DGUOK: variants seen among roughly 807,000 people sequenced by gnomAD.
The protein encoded by DGUOK is deoxyguanosine kinase, mitochondrial.
Under a neutral mutation model 36.6 loss-of-function variants are expected in DGUOK, and 30 were observed. That is an observed-to-expected ratio of 0.82 (90% confidence interval 0.61 to 1.11). The LOEUF (loss-of-function observed/expected upper bound fraction) is 1.11. Ranked by LOEUF, DGUOK falls within the 50% of genes most tolerant of loss-of-function variation. The pLI, the probability that DGUOK is intolerant of heterozygous loss-of-function variation, is 0.00. For missense variants in DGUOK, 361 were observed against 336.4 expected (o/e 1.07, Z -0.57); for synonymous variants, 145 against 126.3 (o/e 1.15, Z -0.99).
chr2:73,957,234 C>T lies in DGUOK; in HGVS notation c.701C>T (p.Thr234Ile). The change falls in exon 5 of 7, where the codon ACA (threonine) becomes ATA (isoleucine). Residue 234 changes from threonine (T) to isoleucine (I), a missense_variant. Thr to Ile is a moderately conservative substitution (Grantham distance 89). Coordinates refer to ENST00000264093, the MANE Select transcript of DGUOK (RefSeq NM_080916.3). ...CACGAAGCCTGGCTTATTCACAAGA[C>T]AACGAAGTAAGTGGGGAGAAAAGAA... is the stretch of plus-strand genomic sequence containing the variant. Reference protein sequence around the residue: ...GQHEAWLIHKTTKLHFEALMN... With the variant: ...GQHEAWLIHKITKLHFEALMN... 1 of 1,613,340 alleles carries T rather than the reference C, an allele frequency of 6.2e-7. No individual in the cohort carries two copies. The highest frequency in any genetic ancestry group is 8.5e-7 in the Non-Finnish European group (1 of 1,179,382).
chr2:73,932,461 A>AC, intron 1 of DGUOK: 2 of 374,598 alleles, frequency 5.3e-6, no homozygotes, highest in South Asian at 4.5e-5. Flanking sequence ...CCCCGCCTTG[A>AC]CCCAGTGTAC....
intron 4 of DGUOK, among the ~76,000 whole-genome samples, chr2:73,954,693 A>G (rs1682960440): frequency 6.6e-6 from 1 of 152,074 alleles, no homozygotes; most frequent in Admixed American, 6.5e-5. Flanking sequence ...CATGGGACAA[A>G]TGGCACCTGG....
At chr2:73,934,941 C>T (rs1226538942) in intron 1 of DGUOK, among the ~76,000 whole-genome samples, 1 of 151,774 alleles carries the variant, frequency 6.6e-6, no homozygotes, top group Non-Finnish European at 1.5e-5. Flanking sequence ...GGCGTGGTGG[C>T]ACACACCTGT....
rs1379583506 is a variant in DGUOK, at chr2:73,939,115, G to GTTT, written c.255+94_255+96dup. On this transcript the variant is annotated intron_variant, in intron 2 of 6. Coordinates refer to ENST00000264093, the MANE Select transcript of DGUOK (RefSeq NM_080916.3). ...TACTCTCAGTGAGTAAAGTAGCCCA[G>GTTT]TTTGAGTATCCTTTTTAAAATAGCT... 1.7e-5 allele frequency: 14 copies of GTTT among 817,538 alleles called. No homozygotes were observed. In the East Asian group the frequency reaches 3.4e-4, roughly 20 times the overall value. 50.6% of individuals were successfully genotyped at this position (817,538 alleles called of 1,614,324 possible). A position where few individuals can be genotyped will look rare whatever the true frequency, so the allele number is the denominator to read the frequency against.
intron 4 of DGUOK, among the ~76,000 whole-genome samples, chr2:73,953,276 T>A (rs1682826399): frequency 1.2e-5 from 1 of 84,250 alleles, no homozygotes; most frequent in Non-Finnish European, 2.8e-5. Flanking sequence ...ATGATGATGA[T>A]GATCATCATC....
At chr2:73,954,591 A>G (rs751610943) in intron 4 of DGUOK, among the ~76,000 whole-genome samples, 15 of 152,118 alleles carry the variant, frequency 9.9e-5, no homozygotes, top group Non-Finnish European at 2.1e-4. Context: ...AGCCAGCCCC[A>G]TGGAATCAAG....
At chr2:73,936,308 A>C (rs1681461653) in intron 1 of DGUOK, among the ~76,000 whole-genome samples, 1 of 152,308 alleles carries the variant, frequency 6.6e-6, no homozygotes, top group Admixed American at 6.5e-5. Context: ...GTGGCACCTT[A>C]GGCTTGCTGG....
chr2:73,951,090 A>G (rs1228021007), intron 4 of DGUOK, among the ~76,000 whole-genome samples: 6 of 152,030 alleles, frequency 3.9e-5, no homozygotes, highest in Non-Finnish European at 8.8e-5. Context: ...CAGAGTGTGT[A>G]GTCTCAGTGG....
chr2:73,950,695 C>T lies in DGUOK; in HGVS notation c.554C>T (p.Thr185Ile), dbSNP rs924895995. 2.5e-6 allele frequency: 4 copies of T among 1,614,092 alleles called. No homozygotes were observed. Among genetic ancestry groups the T allele is most frequent in the Non-Finnish European group, 2.5e-6 (3 of 1,180,040 alleles). The change falls in exon 4 of 7, where the codon ACA (threonine) becomes ATA (isoleucine). Residue 185 changes from threonine (T) to isoleucine (I), a missense_variant. Transcript: ENST00000264093. ...CTGTGGGAGTTTGCCAGCCGGATCACATTACATGGCTTCATCTACCTCCAG... is the reference window on the plus strand; with the variant it reads ...CTGTGGGAGTTTGCCAGCCGGATCATATTACATGGCTTCATCTACCTCCAG... ...FLLWEFASRI[T>I]LHGFIYLQAS...
At position 73,958,929 on chromosome 2, in the gene DGUOK, T is replaced by TA; in HGVS notation, c.*196dup. ...TTTTGTACCTGAAGCATTTTGAAAA[T>TA]AAAGTTTACTTAAGTTATGCTTGTT... On this transcript the variant is annotated 3_prime_UTR_variant, in exon 7 of 7. Transcript: ENST00000264093. 1 of 613,878 alleles carries TA rather than the reference T, an allele frequency of 1.6e-6. No homozygotes were observed. The highest frequency in any genetic ancestry group is 2.9e-6 in the Non-Finnish European group (1 of 342,884). 38.0% of individuals were successfully genotyped at this position (613,878 alleles called of 1,614,324 possible).
chr2:73,927,489 C>T (rs1199271888), intron 1 of DGUOK, among the ~76,000 whole-genome samples: 3 of 152,188 alleles, frequency 2.0e-5, no homozygotes, highest in Admixed American at 2.0e-4. Context: ...GACATCCTTA[C>T]AGCAAAACAA....
At chr2:73,931,034 G>C (rs1680993257) in intron 1 of DGUOK, among the ~76,000 whole-genome samples, 1 of 151,932 alleles carries the variant, frequency 6.6e-6, no homozygotes, top group African/African-American at 2.4e-5. Context: ...CTGACCTCGT[G>C]ATCCGCCAGC....
At chr2:73,946,656 G>T (rs1168853614) in intron 2 of DGUOK, 63 bp from the exon 3 acceptor site, 3 of 1,454,142 alleles carry the variant, frequency 2.1e-6, no homozygotes, top group East Asian at 4.5e-5. Context: ...GTGTGGAGGG[G>T]TGTACCCCAT....
intron 2 of DGUOK, among the ~76,000 whole-genome samples, chr2:73,940,861 A>AT (rs943393159): frequency 3.3e-4 from 50 of 152,276 alleles, no homozygotes; most frequent in Middle Eastern, 3.4e-3. Flanking sequence ...GTGTGAGTAC[A>AT]TTTTCTGATG....
chr2:73,927,939 C>A (rs1299207640), intron 1 of DGUOK, among the ~76,000 whole-genome samples: 1 of 152,146 alleles, frequency 6.6e-6, no homozygotes, highest in African/African-American at 2.4e-5. Flanking sequence ...TGAGCCACTT[C>A]CATATGCCAG....
intron 1 of DGUOK, among the ~76,000 whole-genome samples, chr2:73,934,482 G>GGC (rs1390063102): frequency 6.6e-6 from 1 of 152,214 alleles, no homozygotes; most frequent in East Asian, 1.9e-4. Flanking sequence ...GCCGGGCGAT[G>GGC]TGGCTAACCC....
intron 1 of DGUOK, among the ~76,000 whole-genome samples, chr2:73,933,691 T>G: frequency 6.6e-6 from 1 of 152,160 alleles, no homozygotes. Flanking sequence ...TGCTGACTGA[T>G]TTTTATTAAC....
At chr2:73,929,812 G>A (rs778436565) in intron 1 of DGUOK, among the ~76,000 whole-genome samples, 12 of 152,162 alleles carry the variant, frequency 7.9e-5, no homozygotes, top group Non-Finnish European at 1.6e-4. Context: ...ATAGGTTCAA[G>A]GAGAATGGGA....
chr2:73,956,248 C>T (rs565342900), intron 4 of DGUOK, among the ~76,000 whole-genome samples: 4 of 152,224 alleles, frequency 2.6e-5, no homozygotes, highest in Non-Finnish European at 4.4e-5. Flanking sequence ...AGTCTCAAGC[C>T]TCACTTGTTT....
Sources: allele counts gnomAD v4.1 joint callset (sites outside exome capture counted in the v4.1 genomes callset), GRCh38; gene constraint gnomAD v4.1.1; transcripts MANE v1.5; gene names NCBI Gene and HGNC (gene_info 2026-07-23, HGNC 2026-07-21).